The following KIAA1671 variants were observed in gnomAD, a reference collection of about 807,000 sequenced individuals.
The protein encoded by KIAA1671 is KIAA1671.
KIAA1671 carries 52 observed loss-of-function variants against 131.2 expected under a neutral mutation model. The ratio of observed to expected loss-of-function variants is 0.40; its 90% CI spans 0.32 to 0.50. KIAA1671 has a LOEUF of 0.50. Among genes scored for constraint, KIAA1671 ranks in the 20% least tolerant of loss-of-function variants. The pLI, the probability that KIAA1671 is intolerant of heterozygous loss-of-function variation, is 0.73. For missense variants in KIAA1671, 2,360 were observed against 2,364.2 expected, an observed-to-expected ratio of 1.00 and a Z score of 0.04; for synonymous variants, 1,003 against 961.6, an observed-to-expected ratio of 1.04 and a Z score of -0.80.
At chr22:25,189,126 C>CTTTTTTTTTTTTTTT (rs200226589) in intron 11 of KIAA1671, among the ~76,000 whole-genome samples, 53 of 114,808 alleles carry the variant, frequency 4.6e-4, no homozygotes, top group African/African-American at 7.4e-4. Context: ...CAGTCTTTTT[C>CTTTTTTTTTTTTTTT]TTTTTTTTTT....
chr22:25,113,141 C>T (rs1931460986), intron 6 of KIAA1671, among the ~76,000 whole-genome samples: 1 of 152,194 alleles, frequency 6.6e-6, no homozygotes, highest in Admixed American at 6.5e-5. Flanking sequence ...TAAGGTCCTT[C>T]TGATGATTTG....
intron 1 of KIAA1671, among the ~76,000 whole-genome samples, chr22:24,971,557 T>C (rs989886505): frequency 1.3e-5 from 2 of 152,196 alleles, no homozygotes; most frequent in African/African-American, 4.8e-5. Flanking sequence ...TCTGTTTTAG[T>C]TTCCCTGAAG....
chr22:24,998,717 CAAAA>C (rs34109303), intron 1 of KIAA1671, among the ~76,000 whole-genome samples: 4 of 76,172 alleles, frequency 5.3e-5, no homozygotes, highest in Non-Finnish European at 2.7e-5. Context: ...GACTCTGTCT[CAAAA>C]AAAAAAAAAA....
chr22:25,069,574 T>TG (rs11372916), intron 6 of KIAA1671, among the ~76,000 whole-genome samples: 4,738 of 152,250 alleles, frequency 0.031, 222 homozygotes, highest in African/African-American at 0.11. Flanking sequence ...GTTCCAGCCT[T>TG]GCTTTAGCTA....
chr22:25,169,737 C>T (rs1342401639), intron 6 of KIAA1671, among the ~76,000 whole-genome samples: 1 of 152,180 alleles, frequency 6.6e-6, no homozygotes, highest in East Asian at 1.9e-4. Context: ...CAGTTCTGTG[C>T]TAATCAGCAC....
chr22:25,189,661 G>A (rs1934602549), intron 11 of KIAA1671, among the ~76,000 whole-genome samples: 1 of 152,220 alleles, frequency 6.6e-6, no homozygotes, highest in African/African-American at 2.4e-5. Context: ...TTAAGTTGAT[G>A]CATAAAACTA....
chr22:25,121,033 G>A (rs1931914841), intron 6 of KIAA1671, among the ~76,000 whole-genome samples: 1 of 152,132 alleles, frequency 6.6e-6, no homozygotes, highest in South Asian at 2.1e-4. Flanking sequence ...CCCTCTCCCT[G>A]CGTTTTCTAA....
intron 1 of KIAA1671, among the ~76,000 whole-genome samples, chr22:24,976,563 C>T (rs1403977163): frequency 1.3e-5 from 2 of 152,120 alleles, no homozygotes; most frequent in Admixed American, 6.5e-5. Flanking sequence ...ACCCACTGGC[C>T]ACCTGCCAGA....
chr22:25,045,017 C>T lies in KIAA1671; in HGVS notation c.4395+3492C>T, dbSNP rs926694644. ...CTACTAAAACTACAAAAAAATTAGC[C>T]GGGCACAGTGGCGGGCGCCTGTAGT... On this transcript the variant is annotated intron_variant, in intron 5 of 12. Coordinates refer to ENST00000358431, the MANE Select transcript of KIAA1671 (RefSeq NM_001145206.2). Among the ~76,000 whole-genome samples the T allele has an allele frequency of 2.0e-4, 31 of 152,180 alleles. 1 individual carries two copies. The East Asian group carries it at 4.6e-3, about 23-fold the overall frequency.
intron 6 of KIAA1671, among the ~76,000 whole-genome samples, chr22:25,068,227 G>A (rs549864286): frequency 6.6e-6 from 1 of 151,928 alleles, no homozygotes; most frequent in Admixed American, 6.5e-5. Flanking sequence ...GAGCAGGGCC[G>A]GCCTTCTGAC....
chr22:25,039,649 A>G lies in KIAA1671; in HGVS notation c.2519A>G (p.Glu840Gly), dbSNP rs1189607700. ...AAAGCCACCGTGGCAGTCAGCGAAG[A>G]GCACTGTGCTCCCGGGGCCACCTCC... ...SHKATVAVSE[E>G]HCAPGATSVR... Residue 840 changes from glutamate to glycine, a missense_variant, in exon 5 of 13, where the codon GAG becomes GGG. Glu to Gly is a moderately conservative substitution (Grantham distance 98). Transcript: ENST00000358431. 2 of 1,542,282 alleles carry G rather than the reference A, an allele frequency of 1.3e-6. No individual in the cohort carries two copies. Among genetic ancestry groups the G allele is most frequent in the Non-Finnish European group, 8.8e-7 (1 of 1,140,122 alleles).
chr22:25,170,442 C>T (rs981800887), intron 6 of KIAA1671, among the ~76,000 whole-genome samples: 2 of 152,126 alleles, frequency 1.3e-5, no homozygotes, highest in African/African-American at 4.8e-5. Flanking sequence ...TGGAGCTTCC[C>T]CCAGCCAGAT....
rs538020547 is a variant in KIAA1671, at chr22:25,135,440, T to C, written c.4531-35380T>C. Reference sequence around the variant, plus strand: ...TGACCTTGTGATCCACCTGCCTCGGTCTCCCAAAGTGCTGGGATTACAGGC... The same window carrying C: ...TGACCTTGTGATCCACCTGCCTCGGCCTCCCAAAGTGCTGGGATTACAGGC... On this transcript the variant is annotated intron_variant, in intron 6 of 12. Transcript: ENST00000358431. Among the ~76,000 whole-genome samples the C allele has an allele frequency of 3.9e-5, 6 of 152,270 alleles. No individual in the cohort carries two copies. In the South Asian group the frequency reaches 1.0e-3, roughly 26 times the overall value.
In KIAA1671 at chr22:25,039,901, C is replaced by A; in HGVS notation, c.2771C>A (p.Pro924Gln). ...IVAAREGDPG[P>Q]AQVPQPAVRM... ...GCCGCCAGGGAGGGTGATCCAGGGC[C>A]GGCCCAGGTGCCACAGCCTGCAGTC... is the stretch of plus-strand genomic sequence containing the variant. The change falls in exon 5 of 13, where the codon CCG becomes CAG. Residue 924 changes from proline (P) to glutamine (Q), a missense_variant. Pro to Gln is a moderately conservative substitution (Grantham distance 76, BLOSUM62 -1). Transcript: ENST00000358431. 6.4e-7 allele frequency: 1 copy of A among 1,551,538 alleles called. No individual in the cohort carries two copies. The highest frequency in any genetic ancestry group is 8.7e-7 in the Non-Finnish European group (1 of 1,146,970).
At chr22:25,043,361 G>A (rs1214972868) in intron 5 of KIAA1671, among the ~76,000 whole-genome samples, 2 of 152,146 alleles carry the variant, frequency 1.3e-5, no homozygotes, top group Admixed American at 6.5e-5. Context: ...ACTGCTGTGT[G>A]ATCATCTTCC....
In KIAA1671 at chr22:25,028,032, G is replaced by T. The variant is rs1203444790; in HGVS notation, c.33G>T (p.Thr11=). The T allele has an allele frequency of 2.0e-6, 3 of 1,525,874 alleles. No individual in the cohort carries two copies. Among genetic ancestry groups the T allele is most frequent in the Non-Finnish European group, 1.8e-6 (2 of 1,133,920 alleles). 94.5% of individuals were successfully genotyped at this position (1,525,874 alleles called of 1,614,324 possible). A position where few individuals can be genotyped will look rare whatever the true frequency, so the allele number is the denominator to read the frequency against. Reference sequence around the variant, plus strand: ...CGCGGGTCGAGGTGGGCTCCATAACGCCCTTGACGGCCGTGCCAGGCCTGG... The same window carrying T: ...CGCGGGTCGAGGTGGGCTCCATAACTCCCTTGACGGCCGTGCCAGGCCTGG... MATRVEVGSI[T]PLTAVPGLGE... is the part of the protein sequence containing the mutation. The change falls in exon 3 of 13, where the codon ACG becomes ACT. Residue 11 remains threonine (T), a synonymous_variant. Coordinates refer to ENST00000358431, the MANE Select transcript of KIAA1671 (RefSeq NM_001145206.2).
chr22:25,163,203 C>G (rs1933508538), intron 6 of KIAA1671, among the ~76,000 whole-genome samples: 1 of 151,880 alleles, frequency 6.6e-6, no homozygotes. Context: ...TGGCACATGC[C>G]TGTAGTCCCA....
chr22:24,984,472 G>T (rs965567187), intron 1 of KIAA1671, among the ~76,000 whole-genome samples: 19 of 152,160 alleles, frequency 1.2e-4, no homozygotes, highest in Admixed American at 1.2e-3. Flanking sequence ...CCAGGACAGG[G>T]AGCACTGATT....
chr22:25,036,246 A>G (rs990773678), intron 4 of KIAA1671, among the ~76,000 whole-genome samples: 1 of 151,876 alleles, frequency 6.6e-6, no homozygotes, highest in Non-Finnish European at 1.5e-5. Context: ...ACACCTGGCT[A>G]ATTTTGTGTT....
Sources: gnomAD v4.1 joint callset for allele counts (sites outside exome capture counted in the v4.1 genomes callset) on GRCh38, gnomAD v4.1.1 for gene constraint, MANE v1.5 for transcripts, NCBI Gene and HGNC (gene_info 2026-07-23, HGNC 2026-07-21) for gene names.